SFSWAP: variants seen among roughly 807,000 people sequenced by gnomAD.
The protein encoded by SFSWAP is splicing factor SWAP.
Under a neutral mutation model 100.7 loss-of-function variants are expected in SFSWAP, and 17 were observed. The ratio of observed to expected loss-of-function variants is 0.17; its 90% CI spans 0.12 to 0.25. The LOEUF (loss-of-function observed/expected upper bound fraction) is 0.25, where lower values mean the gene tolerates loss of function less well. SFSWAP is among the 10% of genes least tolerant of loss of function. The pLI is 1.00. For synonymous variants in SFSWAP, 504 were observed against 510.1 expected (o/e 0.99, Z 0.16); for missense variants, 1,005 against 1,262.6 (o/e 0.80, Z 3.09).
At chr12:131,736,525 A>G (rs534318477) in intron 7 of SFSWAP, among the ~76,000 whole-genome samples, 5 of 152,216 alleles carry the variant, frequency 3.3e-5, no homozygotes, top group Non-Finnish European at 5.9e-5. Context: ...AAAAATGCCC[A>G]TACGGTTTTT....
chr12:131,776,960 A>G (rs1593178064), intron 13 of SFSWAP, among the ~76,000 whole-genome samples: 1 of 152,298 alleles, frequency 6.6e-6, no homozygotes, highest in Non-Finnish European at 1.5e-5. Context: ...GAAGATTCAT[A>G]TGCTCTTCTG....
intron 15 of SFSWAP, among the ~76,000 whole-genome samples, chr12:131,789,053 T>C (rs1885080821): frequency 6.6e-6 from 1 of 152,054 alleles, no homozygotes; most frequent in African/African-American, 2.4e-5. Context: ...CAATCTCAGC[T>C]CACTGCGGCC....
chr12:131,719,895 G>A (rs770348195), intron 4 of SFSWAP, among the ~76,000 whole-genome samples: 9 of 152,198 alleles, frequency 5.9e-5, no homozygotes, highest in East Asian at 1.9e-4. Flanking sequence ...TCAAGACAGC[G>A]TTGATTTCAG....
chr12:131,790,845 G>A (rs558546198), intron 15 of SFSWAP, among the ~76,000 whole-genome samples: 4 of 152,252 alleles, frequency 2.6e-5, no homozygotes, highest in Admixed American at 2.0e-4. Context: ...TTTGCTAAGC[G>A]AAGGATGCAT....
At chr12:131,765,355 G>A (rs902329636) in intron 12 of SFSWAP, among the ~76,000 whole-genome samples, 1 of 152,188 alleles carries the variant, frequency 6.6e-6, no homozygotes, top group African/African-American at 2.4e-5. Flanking sequence ...ATTTGAAAGA[G>A]GCCAATTTTC....
At chr12:131,787,912 G>C (rs965416373) in intron 15 of SFSWAP, among the ~76,000 whole-genome samples, 2 of 152,194 alleles carry the variant, frequency 1.3e-5, no homozygotes, top group African/African-American at 4.8e-5. Context: ...AAAGCGGATA[G>C]ATACCAGCAA....
In SFSWAP at chr12:131,764,098, C is replaced by G. The variant is rs1337356135; in HGVS notation, c.1721-358C>G. 2.0e-5 allele frequency among the ~76,000 whole-genome samples: 3 copies of G among 152,260 alleles called. No individual in the cohort carries two copies. The East Asian group carries it at 5.8e-4, about 29-fold the overall frequency. ...CCGAGATCGTGCCACTGCACTCCAG[C>G]CTGGGCGACAGAGCGAGACTCCATC... On this transcript the variant is annotated intron_variant, in intron 11 of 17. Transcript: ENST00000261674.
chr12:131,796,002 AGGGGAGGGGAGGGGAGAG>A (rs1260845182), intron 15 of SFSWAP: 1 of 5,310 alleles, frequency 1.9e-4, no homozygotes, highest in Non-Finnish European at 3.3e-4. Flanking sequence ...GGAGAGGGGG[AGGGGAGGGGAGGGGAGAG>A]GGGGAGGGGA....
chr12:131,745,618 A>G (rs976336932), intron 7 of SFSWAP, among the ~76,000 whole-genome samples: 1 of 152,218 alleles, frequency 6.6e-6, no homozygotes, highest in Non-Finnish European at 1.5e-5. Context: ...GCAGGTCTTC[A>G]CTGTGAATAA....
rs1232068189 is a variant in SFSWAP at position 131,730,347 on chromosome 12, C to T, written c.1081+1919C>T. Among the ~76,000 whole-genome samples the T allele has an allele frequency of 3.3e-5, 5 of 152,356 alleles. No homozygotes were observed. The East Asian group carries it at 9.6e-4, about 29-fold the overall frequency. On this transcript the variant is annotated intron_variant, in intron 7 of 17. Transcript: ENST00000261674. This position sits in a 1 kb window ranked among gnomAD's most constrained non-coding sequence, Gnocchi z 4.0. ...AGTTTGCTTGAACCAAATGCATTGT[C>T]CGTGCACGTCCACCAGATCCCTGAA...
At chr12:131,737,748 A>G (rs1197700447) in intron 7 of SFSWAP, among the ~76,000 whole-genome samples, 1 of 152,104 alleles carries the variant, frequency 6.6e-6, no homozygotes, top group Non-Finnish European at 1.5e-5. Flanking sequence ...AGATTTTCCT[A>G]CATTTTGGCA....
At chr12:131,767,183 G>A (rs1037612236) in intron 13 of SFSWAP, among the ~76,000 whole-genome samples, 36 of 149,906 alleles carry the variant, frequency 2.4e-4, no homozygotes, top group African/African-American at 8.8e-4. Context: ...ACTGGCTCCT[G>A]TGCCAAGGGG....
intron 9 of SFSWAP, among the ~76,000 whole-genome samples, chr12:131,754,771 C>T (rs747550114): frequency 6.6e-6 from 1 of 150,840 alleles, no homozygotes; most frequent in Non-Finnish European, 1.5e-5. Flanking sequence ...GTAGCTGGGA[C>T]TACAGGCGCG....
chr12:131,728,517 T>TC (rs1879204497), intron 7 of SFSWAP, 89 bp downstream of exon 7: 1 of 1,418,124 alleles, frequency 7.1e-7, no homozygotes. Context: ...TGTTCTGTCC[T>TC]CCAAGTGTAA....
At chr12:131,743,307 T>C (rs748436834) in intron 7 of SFSWAP, among the ~76,000 whole-genome samples, 1 of 152,258 alleles carries the variant, frequency 6.6e-6, no homozygotes, top group Non-Finnish European at 1.5e-5. Context: ...AAGTTCCTTC[T>C]GCCTACCAGC....
chr12:131,722,094 T>C (rs1389739837), intron 4 of SFSWAP, among the ~76,000 whole-genome samples: 1 of 152,220 alleles, frequency 6.6e-6, no homozygotes, highest in Non-Finnish European at 1.5e-5. Context: ...AGACTATTGC[T>C]GCTTAAGGGG....
At chr12:131,795,132 A>G (rs1037003941) in intron 15 of SFSWAP, among the ~76,000 whole-genome samples, 12 of 152,370 alleles carry the variant, frequency 7.9e-5, no homozygotes, top group Admixed American at 5.9e-4. Context: ...ACAGTAAACA[A>G]CATGTTGTCC....
chr12:131,787,209 G>T (rs1884957559), intron 15 of SFSWAP, among the ~76,000 whole-genome samples: 1 of 152,184 alleles, frequency 6.6e-6, no homozygotes, highest in African/African-American at 2.4e-5. Context: ...GACAGCCCAG[G>T]GTGCCACGGG....
At chr12:131,761,536 C>T (rs1215258755) in intron 11 of SFSWAP, among the ~76,000 whole-genome samples, 1 of 152,210 alleles carries the variant, frequency 6.6e-6, no homozygotes, top group Non-Finnish European at 1.5e-5. Flanking sequence ...GAGCAGGCAG[C>T]TCTCAGGCAG....
Sources: gnomAD v4.1 joint callset for allele counts (sites outside exome capture counted in the v4.1 genomes callset) on GRCh38, gnomAD v4.1.1 for gene constraint, Gnocchi (gnomAD v3.1) non-coding constraint, MANE v1.5 for transcripts, NCBI Gene and HGNC (gene_info 2026-07-23, HGNC 2026-07-21) for gene names.